The following DEPTOR variants were observed in gnomAD, a reference collection of about 807,000 sequenced individuals.
DEPTOR encodes DEP domain-containing mTOR-interacting protein.
Under a neutral mutation model 41.6 loss-of-function variants are expected in DEPTOR, and 41 were observed. The observed-to-expected ratio is 0.98, with a 90% CI of 0.77 to 1.28. The LOEUF (loss-of-function observed/expected upper bound fraction) is 1.28. DEPTOR is among the 50% of genes most tolerant of loss of function. The pLI is 0.00. For missense variants in DEPTOR, 514 were observed against 527.9 expected, an observed-to-expected ratio of 0.97 and a Z score of 0.26; for synonymous variants, 195 against 192.3, an observed-to-expected ratio of 1.01 and a Z score of -0.12.
Position 119,873,903 on chromosome 8 carries a change from T to A in DEPTOR, c.57T>A (p.Ser19Arg). Residue 19 changes from serine to arginine, a missense_variant, in exon 1 of 9, where the codon AGT becomes AGA. Ser to Arg is a moderately radical substitution (Grantham distance 110). Coordinates refer to ENST00000286234, the MANE Select transcript of DEPTOR (RefSeq NM_022783.4). ...GCAGTGACAGCAGCACCAGCGGGAG[T>A]GGCGGGGCGCAGCAAAGGGAGCTGG... ...SAGSDSSTSG[S>R]GGAQQRELER... The A allele has an allele frequency of 6.2e-7, 1 of 1,613,274 alleles. No homozygotes were observed. Among genetic ancestry groups the A allele is most frequent in the Non-Finnish European group, 8.5e-7 (1 of 1,179,702 alleles).
At chr8:120,008,189 C>T (rs747832962) in intron 7 of DEPTOR, among the ~76,000 whole-genome samples, 24 of 151,896 alleles carry the variant, frequency 1.6e-4, no homozygotes, top group Non-Finnish European at 2.8e-4. Context: ...ACTTCTTTTC[C>T]CCCCTTGGTG....
chr8:120,049,681 G>A lies in DEPTOR; in HGVS notation c.1207G>A (p.Val403Ile), dbSNP rs1350785639. The change falls in exon 9 of 9, where the codon GTC (valine) becomes ATC (isoleucine). Residue 403 changes from valine to isoleucine, a missense_variant. By Grantham distance (29) the Val-to-Ile change is conservative (BLOSUM62 3). Transcript: ENST00000286234. ...GGGCCCACGGACGATTGTCATGGAA[G>A]TCATGGAGGAGTTAGAGTGCTGAGC... is the stretch of plus-strand genomic sequence containing the variant. ...LTGPRTIVME[V>I]MEELEC 1 of 1,613,900 alleles carries A rather than the reference G, an allele frequency of 6.2e-7. No individual in the cohort carries two copies. The highest frequency in any genetic ancestry group is 1.3e-5 in the African/African-American group (1 of 74,936).
chr8:119,996,960 G>C, intron 4 of DEPTOR, among the ~76,000 whole-genome samples: 2 of 152,262 alleles, frequency 1.3e-5, no homozygotes, highest in Admixed American at 1.3e-4. Context: ...TAGCGATGTA[G>C]TGAATTTATG....
intron 8 of DEPTOR, among the ~76,000 whole-genome samples, chr8:120,010,326 A>C (rs1422151881): frequency 3.3e-5 from 5 of 152,172 alleles, no homozygotes; most frequent in Non-Finnish European, 5.9e-5. Context: ...AAAATGATAC[A>C]TATACGTGCC....
chr8:120,006,501 G>A (rs1453381186), intron 6 of DEPTOR, among the ~76,000 whole-genome samples: 4 of 151,718 alleles, frequency 2.6e-5, no homozygotes, highest in African/African-American at 9.7e-5. Flanking sequence ...TCCATCCTGG[G>A]TGACAAGGGC....
chr8:119,930,555 A>G (rs1447167261), intron 3 of DEPTOR, among the ~76,000 whole-genome samples: 1 of 151,950 alleles, frequency 6.6e-6, no homozygotes, highest in Non-Finnish European at 1.5e-5. Context: ...TCTTTTAAAT[A>G]CTGTTGTTTT....
At chr8:120,008,949 G>C in intron 7 of DEPTOR, 80 bp from the exon 8 acceptor site, 2 of 1,304,612 alleles carry the variant, frequency 1.5e-6, no homozygotes, top group Admixed American at 1.9e-5. Flanking sequence ...TTAATCCTGG[G>C]CTGGTTTTCT....
chr8:119,899,707 C>G (rs572367795), intron 1 of DEPTOR, among the ~76,000 whole-genome samples: 1 of 152,328 alleles, frequency 6.6e-6, no homozygotes, highest in Non-Finnish European at 1.5e-5. Flanking sequence ...AAACCTATTT[C>G]AAGATCGTGC....
chr8:119,972,399 G>A (rs1828644335), intron 4 of DEPTOR, among the ~76,000 whole-genome samples: 1 of 152,090 alleles, frequency 6.6e-6, no homozygotes, highest in Non-Finnish European at 1.5e-5. Flanking sequence ...GAGGCAGACG[G>A]ATCACTTGAG....
At chr8:120,035,676 T>A (rs2130185290) in intron 8 of DEPTOR, among the ~76,000 whole-genome samples, 1 of 152,202 alleles carries the variant, frequency 6.6e-6, no homozygotes, top group East Asian at 1.9e-4. Context: ...AGATAACAGG[T>A]GCCCACTATC....
chr8:120,009,685 T>C (rs1468741954), intron 8 of DEPTOR, among the ~76,000 whole-genome samples: 3 of 152,204 alleles, frequency 2.0e-5, no homozygotes, highest in Non-Finnish European at 4.4e-5. Flanking sequence ...ACCTCTAGCT[T>C]AATTTCATTA....
At chr8:119,976,151 C>A (rs1036076705) in intron 4 of DEPTOR, among the ~76,000 whole-genome samples, 3 of 151,934 alleles carry the variant, frequency 2.0e-5, no homozygotes, top group South Asian at 2.1e-4. Context: ...CATGAGCCAC[C>A]ACTCCCAGCC....
At chr8:120,030,377 A>G (rs1253020743) in intron 8 of DEPTOR, among the ~76,000 whole-genome samples, 6 of 151,946 alleles carry the variant, frequency 3.9e-5, no homozygotes, top group Admixed American at 3.3e-4. Context: ...GTCTGATACT[A>G]TAATGGTGGG....
chr8:119,985,826 CTTTTTTTTTTTTTTTTTTTTTTT>C lies in DEPTOR; in HGVS notation c.605-15684_605-15662del, dbSNP rs999602227. ...AGAGACTAGGATTGCAACCCCTGCT[CTTTTTTTTTTTTTTTTTTTTTTT>C]TTTTTTTTTTTTTTGCTTTCCATTT... On this transcript the variant is annotated intron_variant, in intron 4 of 8. Transcript: ENST00000286234. Among the ~76,000 whole-genome samples the C allele has an allele frequency of 6.4e-3, 266 of 41,638 alleles. 2 individuals are homozygous for C. The highest frequency in any genetic ancestry group is 0.022 in the African/African-American group (197 of 9,010). 27.3% of individuals were successfully genotyped at this position (41,638 alleles called of 152,430 possible). A position where few individuals can be genotyped will look rare whatever the true frequency, so the allele number is the denominator to read the frequency against.
chr8:120,036,006 G>C, intron 8 of DEPTOR, among the ~76,000 whole-genome samples: 1 of 152,230 alleles, frequency 6.6e-6, no homozygotes, highest in East Asian at 1.9e-4. Flanking sequence ...TGCCTCTAGA[G>C]AGAATTCCCA....
rs914291042 is a variant in DEPTOR, at chr8:119,920,789, T to C, written c.123-7611T>C. Among the ~76,000 whole-genome samples, 5 of 152,108 alleles carry C rather than the reference T, an allele frequency of 3.3e-5. No individual in the cohort carries two copies. In the East Asian group the frequency reaches 9.7e-4, roughly 29 times the overall value. On this transcript the variant is annotated intron_variant, in intron 1 of 8. Coordinates refer to ENST00000286234, the MANE Select transcript of DEPTOR (RefSeq NM_022783.4). ...GGGATTGGTAGTGTCTTGGTTATTA[T>C]ACGAGTGCACATGGCTTGGAAGAGA...
chr8:119,881,863 T>C (rs1287395909), intron 1 of DEPTOR, among the ~76,000 whole-genome samples: 1 of 152,092 alleles, frequency 6.6e-6, no homozygotes, highest in East Asian at 1.9e-4. Flanking sequence ...CTAATTCATG[T>C]AGAATGTTTA....
chr8:120,007,935 G>T (rs1812469707), intron 7 of DEPTOR, among the ~76,000 whole-genome samples: 1 of 152,190 alleles, frequency 6.6e-6, no homozygotes, highest in Admixed American at 6.5e-5. Context: ...AAGAGAGGTA[G>T]ATTGTTATTT....
At chr8:120,002,953 G>A in intron 5 of DEPTOR, 24 bp from the exon 6 acceptor site, 1 of 1,551,388 alleles carries the variant, frequency 6.4e-7, no homozygotes, top group South Asian at 1.2e-5. Flanking sequence ...CTTGGTGACT[G>A]TGTGTGTTCT....
Sources: allele counts gnomAD v4.1 joint callset (sites outside exome capture counted in the v4.1 genomes callset), GRCh38; gene constraint gnomAD v4.1.1; transcripts MANE v1.5; gene names NCBI Gene and HGNC (gene_info 2026-07-23, HGNC 2026-07-21).